The following DOCK4 variants were observed in gnomAD, a reference collection of about 807,000 sequenced individuals.
DOCK4 encodes dedicator of cytokinesis 4.
In DOCK4, 97 loss-of-function variants were observed where a neutral mutation model predicts 268.1. That is an observed-to-expected ratio of 0.36 (90% CI 0.31 to 0.43). The LOEUF (loss-of-function observed/expected upper bound fraction) is 0.43. Ranked by LOEUF, DOCK4 falls within the 20% of genes least tolerant of loss-of-function variation. The pLI is 1.00. For synonymous variants in DOCK4, 954 were observed against 887.2 expected (o/e 1.08, Z -1.34); for missense variants, 2,145 against 2,455.7 (o/e 0.87, Z 2.67).
chr7:112,057,415 T>A (rs1805920020), intron 1 of DOCK4, among the ~76,000 whole-genome samples: 1 of 151,740 alleles, frequency 6.6e-6, no homozygotes, highest in South Asian at 2.1e-4. Flanking sequence ...AGCGAGGCAT[T>A]TGGCAGGTGC....
chr7:111,776,607 G>T (rs1270605219), intron 36 of DOCK4, among the ~76,000 whole-genome samples: 1 of 152,178 alleles, frequency 6.6e-6, no homozygotes, highest in Non-Finnish European at 1.5e-5. Context: ...AGAAGAACTG[G>T]TAGAGAAATA....
chr7:111,819,982 G>C (rs923976573), intron 27 of DOCK4: 1 of 152,190 alleles, frequency 6.6e-6, no homozygotes, highest in Non-Finnish European at 1.5e-5. Context: ...TCTTCCTAGT[G>C]TATGCTCTTT....
At chr7:111,884,821 G>T (rs1448163629) in intron 16 of DOCK4, among the ~76,000 whole-genome samples, 1 of 152,178 alleles carries the variant, frequency 6.6e-6, no homozygotes, top group Non-Finnish European at 1.5e-5. Flanking sequence ...AACGACAAGG[G>T]ATAGGGAAGA....
intron 41 of DOCK4, among the ~76,000 whole-genome samples, chr7:111,757,115 G>A (rs896394568): frequency 2.0e-5 from 3 of 152,026 alleles, no homozygotes; most frequent in South Asian, 2.1e-4. Context: ...GCTGAGTGTC[G>A]CGGAGGCTGA....
At chr7:111,844,165 C>T (rs542299950) in intron 25 of DOCK4, among the ~76,000 whole-genome samples, 3 of 152,142 alleles carry the variant, frequency 2.0e-5, no homozygotes, top group Non-Finnish European at 4.4e-5. Flanking sequence ...ATCCCAGCTA[C>T]TCAAGAGGCT....
intron 1 of DOCK4, among the ~76,000 whole-genome samples, chr7:112,202,648 T>TGCTTGAGGCGATCAACCAGGA (rs1467213716): frequency 6.6e-6 from 1 of 152,034 alleles, no homozygotes; most frequent in Non-Finnish European, 1.5e-5. Flanking sequence ...GTGGGAGTAT[T>TGCTTGAGGCGATCAACCAGGA]GCTTGAGGCG....
intron 8 of DOCK4, among the ~76,000 whole-genome samples, chr7:111,957,649 A>G (rs1362627596): frequency 6.6e-6 from 1 of 152,196 alleles, no homozygotes; most frequent in Middle Eastern, 3.2e-3. Flanking sequence ...ATATTAATAA[A>G]TGGCATGAAG....
chr7:112,136,246 T>C (rs1221883079), intron 1 of DOCK4, among the ~76,000 whole-genome samples: 1 of 152,130 alleles, frequency 6.6e-6, no homozygotes, highest in Non-Finnish European at 1.5e-5. Context: ...ACATAGAAAC[T>C]ATGAAGGACT....
chr7:111,772,641 C>T (rs1798195450), intron 36 of DOCK4, among the ~76,000 whole-genome samples: 2 of 151,880 alleles, frequency 1.3e-5, no homozygotes, highest in Non-Finnish European at 2.9e-5. Flanking sequence ...ACTAAAAATA[C>T]AAAAAATTAG....
chr7:111,906,658 T>C (rs548143086), intron 13 of DOCK4, among the ~76,000 whole-genome samples: 3 of 152,204 alleles, frequency 2.0e-5, no homozygotes, highest in Admixed American at 2.0e-4. Context: ...GATCTTGAGA[T>C]AGGGAGATTT....
chr7:111,863,094 C>A, intron 23 of DOCK4: 1 of 349,124 alleles, frequency 2.9e-6, no homozygotes, highest in Non-Finnish European at 5.3e-6. Context: ...AAATAAGGAT[C>A]CTATCAGGTA....
At chr7:112,023,451 A>G in intron 1 of DOCK4, 1 of 311,746 alleles carries the variant, frequency 3.2e-6, no homozygotes, top group Non-Finnish European at 6.4e-6. Context: ...ACAGGGTGAC[A>G]GAGCACAGTT....
Position 111,732,242 on chromosome 7 carries a change from C to T in DOCK4, c.5465G>A (p.Gly1822Glu), listed in dbSNP as rs769424480. 2 of 1,613,948 alleles carry T rather than the reference C, an allele frequency of 1.2e-6. No individual in the cohort carries two copies. The highest frequency in any genetic ancestry group is 2.2e-5 in the South Asian group (2 of 91,076). The change falls in exon 52 of 53, where the codon GGG becomes GAG. Residue 1822 changes from glycine (G) to glutamate (E), a missense_variant. Gly to Glu is a moderately conservative substitution (Grantham distance 98). Coordinates refer to ENST00000428084, the MANE Select transcript of DOCK4 (RefSeq NM_001363540.2). ...HTTSVSPSPA[G>E]RSPLKGSVQS... ...GGCCTTTACCTTCAATGGAGATCGC[C>T]CGGCAGGCGAGGGGGATACTGATGT...
chr7:111,856,738 C>T (rs141767771), intron 23 of DOCK4, among the ~76,000 whole-genome samples: 10 of 152,134 alleles, frequency 6.6e-5, no homozygotes, highest in Admixed American at 3.9e-4. Flanking sequence ...GAGGGGAATA[C>T]GGGTAAGCGG....
intron 35 of DOCK4, among the ~76,000 whole-genome samples, chr7:111,780,573 A>C (rs1177005430): frequency 1.7e-4 from 26 of 152,236 alleles, no homozygotes. Flanking sequence ...ATAATCTTCC[A>C]AATGTCTGAC....
intron 37 of DOCK4, among the ~76,000 whole-genome samples, chr7:111,769,152 G>C (rs1797953979): frequency 6.6e-6 from 1 of 152,108 alleles, no homozygotes; most frequent in African/African-American, 2.4e-5. Context: ...CCCAGTCTAG[G>C]GTATTTTGCT....
At chr7:111,958,607 G>A (rs1241679245) in intron 8 of DOCK4, among the ~76,000 whole-genome samples, 1 of 152,126 alleles carries the variant, frequency 6.6e-6, no homozygotes, top group Non-Finnish European at 1.5e-5. Context: ...CAAGTAGCTT[G>A]AATAATCACA....
intron 47 of DOCK4, 60 bp from the exon 48 acceptor site, chr7:111,739,537 G>A (rs772974308): frequency 4.2e-5 from 58 of 1,378,688 alleles, no homozygotes; most frequent in African/African-American, 1.2e-4. Flanking sequence ...CGACACTGAC[G>A]TATTTGAAAC....
chr7:112,172,092 T>C (rs528711792), intron 1 of DOCK4, among the ~76,000 whole-genome samples: 3 of 152,344 alleles, frequency 2.0e-5, no homozygotes, highest in East Asian at 3.9e-4. Context: ...GTTAGTCACA[T>C]TCCGAAGTGC....
Sources: allele counts gnomAD v4.1 joint callset (sites outside exome capture counted in the v4.1 genomes callset), GRCh38; gene constraint gnomAD v4.1.1; transcripts MANE v1.5; gene names NCBI Gene and HGNC (gene_info 2026-07-23, HGNC 2026-07-21).